RIPOR2: variants seen among roughly 807,000 people sequenced by gnomAD.
RIPOR2 encodes the protein rho family-interacting cell polarization regulator 2.
In RIPOR2, 39 loss-of-function variants were observed where a neutral mutation model predicts 114.5. The ratio of observed to expected loss-of-function variants is 0.34; its 90% CI spans 0.26 to 0.44. The LOEUF is 0.44. Ranked by LOEUF, RIPOR2 falls within the 20% of genes least tolerant of loss-of-function variation. The probability of loss-of-function intolerance (pLI) is 1.00; values close to 1 mark genes in which losing one functional copy is unlikely to be tolerated. For synonymous variants in RIPOR2, 445 were observed against 484.4 expected (o/e 0.92, Z 1.07); for missense variants, 1,007 against 1,255.1 (o/e 0.80, Z 2.99).
At chr6:24,938,808 A>G (rs1483012128), upstream of RIPOR2, among the ~76,000 whole-genome samples, 1 of 152,230 alleles carries the variant, frequency 6.6e-6, no homozygotes, top group Non-Finnish European at 1.5e-5. Context: ...GATAGAAAAC[A>G]TGGTTCTTGC....
At chr6:24,986,912 G>A (rs1287273902) in intron 1 of RIPOR2, among the ~76,000 whole-genome samples, 1 of 119,732 alleles carries the variant, frequency 8.4e-6, no homozygotes, top group African/African-American at 3.2e-5. Context: ...AATGGTAGCT[G>A]ATGAGCTAAA....
intron 1 of RIPOR2, among the ~76,000 whole-genome samples, chr6:25,031,734 T>TAAAAA (rs1561855805): frequency 3.9e-5 from 4 of 101,912 alleles, no homozygotes; most frequent in Non-Finnish European, 5.9e-5. Flanking sequence ...TATATATATA[T>TAAAAA]ATATATATAT....
intron 4 of RIPOR2, among the ~76,000 whole-genome samples, chr6:24,871,255 T>A (rs1234128979): frequency 6.6e-6 from 1 of 152,194 alleles, no homozygotes; most frequent in Non-Finnish European, 1.5e-5. Flanking sequence ...TTAAAAAAAA[T>A]TTAAAATAAA....
At position 24,836,002 on chromosome 6, in the gene RIPOR2, A is replaced by T. The variant is rs1761079710; in HGVS notation, c.2040-131T>A. ...CTTTCACTTGCCTATCTTGAAAAAT[A>T]GAGACACCTTTAAAAAATTACTTAA... On this transcript the variant is annotated intron_variant, in intron 14 of 21. Coordinates refer to ENST00000643898, the MANE Select transcript of RIPOR2 (RefSeq NM_001286445.3). The T allele has an allele frequency of 1.9e-5, 15 of 798,420 alleles. No individual in the cohort carries two copies. In the South Asian group the frequency reaches 2.6e-4, roughly 14 times the overall value. The allele number at this position is 798,420 out of a possible 1,614,324, so 49.5% of individuals were successfully genotyped here.
intron 1 of RIPOR2, among the ~76,000 whole-genome samples, chr6:24,945,634 G>A (rs1056618306): frequency 6.6e-6 from 1 of 152,038 alleles, no homozygotes; most frequent in African/African-American, 2.4e-5. Context: ...GAGTGATAGA[G>A]GATAAAAGTT....
chr6:24,970,397 A>G (rs975139757), intron 1 of RIPOR2, among the ~76,000 whole-genome samples: 2 of 152,234 alleles, frequency 1.3e-5, no homozygotes, highest in African/African-American at 4.8e-5. Context: ...AGGTTGGCAC[A>G]GGGCTGAAAA....
chr6:24,981,940 T>C (rs966097364), intron 1 of RIPOR2, among the ~76,000 whole-genome samples: 2 of 152,230 alleles, frequency 1.3e-5, no homozygotes, highest in Non-Finnish European at 2.9e-5. Context: ...GCTCACCTTG[T>C]CCCTTGGCAC....
At chr6:25,001,701 C>CT (rs775620654) in intron 1 of RIPOR2, among the ~76,000 whole-genome samples, 501 of 102,528 alleles carry the variant, frequency 4.9e-3, no homozygotes, top group East Asian at 0.015. Flanking sequence ...TCCTTTCTTT[C>CT]TTTTTTTTTT....
chr6:24,889,684 C>T (rs1471402094), intron 1 of RIPOR2, among the ~76,000 whole-genome samples: 1 of 151,578 alleles, frequency 6.6e-6, no homozygotes, highest in Non-Finnish European at 1.5e-5. Flanking sequence ...AACGTATGTC[C>T]CTATACATAG....
intron 1 of RIPOR2, among the ~76,000 whole-genome samples, chr6:25,041,237 C>A (rs1442272331): frequency 6.6e-6 from 1 of 152,234 alleles, no homozygotes; most frequent in African/African-American, 2.4e-5. Context: ...TAAAAACAGA[C>A]ACACACAAAT....
exon 1 of RIPOR2, chr6:25,041,982 C>A: frequency 1.5e-6 from 1 of 657,494 alleles, no homozygotes; most frequent in South Asian, 1.6e-5. Flanking sequence ...AAGGGTCTTG[C>A]AGCTATCCTG....
At chr6:24,931,209 A>C (rs1292120239) in intron 1 of RIPOR2, among the ~76,000 whole-genome samples, 3 of 152,250 alleles carry the variant, frequency 2.0e-5, no homozygotes, top group African/African-American at 7.2e-5. Flanking sequence ...TTACCTATTA[A>C]AAGAAAAATA....
rs1248855007 is a variant in RIPOR2 at position 24,858,798 on chromosome 6, TC to T, written c.715+2174del. 3.9e-5 allele frequency among the ~76,000 whole-genome samples: 6 copies of T among 152,210 alleles called. No individual in the cohort carries two copies. Among genetic ancestry groups the T allele is most frequent in the African/African-American group, 1.4e-4 (6 of 41,528 alleles). On this transcript the variant is annotated intron_variant, in intron 8 of 21. Coordinates refer to ENST00000643898, the MANE Select transcript of RIPOR2 (RefSeq NM_001286445.3). The surrounding 1 kb of genome is among the most constrained non-coding windows in gnomAD (Gnocchi z 4.0). ...GCAGGAGCAACAGCAAGTTCATCAG[TC>T]CATCAGGGCTGCGATGTAGCGGGGT...
intron 1 of RIPOR2, among the ~76,000 whole-genome samples, chr6:25,038,281 G>A (rs560202395): frequency 1.3e-5 from 2 of 152,356 alleles, no homozygotes; most frequent in African/African-American, 2.4e-5. Context: ...ATGGCCCCAC[G>A]ATTCTTGCCC....
chr6:24,945,044 G>A (rs1192442477), intron 1 of RIPOR2, among the ~76,000 whole-genome samples: 2 of 151,984 alleles, frequency 1.3e-5, no homozygotes, highest in Non-Finnish European at 2.9e-5. Flanking sequence ...AAAGATATAT[G>A]TTTGAAGTGA....
intron 7 of RIPOR2, among the ~76,000 whole-genome samples, chr6:24,863,510 G>A (rs996030178): frequency 1.3e-5 from 2 of 152,134 alleles, no homozygotes; most frequent in African/African-American, 4.8e-5. Flanking sequence ...ATTGGAAACG[G>A]CTCTCCTCAT....
intron 8 of RIPOR2, among the ~76,000 whole-genome samples, chr6:24,856,509 C>G (rs1484296577): frequency 6.6e-6 from 1 of 152,206 alleles, no homozygotes; most frequent in Non-Finnish European, 1.5e-5. Context: ...AATCCCAGTA[C>G]TTTGGGAGGC....
intron 1 of RIPOR2, among the ~76,000 whole-genome samples, chr6:25,008,359 G>A (rs1775643168): frequency 6.6e-6 from 1 of 152,216 alleles, no homozygotes; most frequent in Admixed American, 6.5e-5. Context: ...GGATCATGCA[G>A]GAGGGCCTGA....
chr6:24,954,215 A>C (rs1378440485), intron 1 of RIPOR2, among the ~76,000 whole-genome samples: 1 of 152,180 alleles, frequency 6.6e-6, no homozygotes, highest in Non-Finnish European at 1.5e-5. Flanking sequence ...GCTGGTTTGC[A>C]TTTAGCAAGT....
Sources: gnomAD v4.1 joint callset for allele counts (sites outside exome capture counted in the v4.1 genomes callset) on GRCh38, gnomAD v4.1.1 for gene constraint, Gnocchi (gnomAD v3.1) non-coding constraint, MANE v1.5 for transcripts, NCBI Gene and HGNC (gene_info 2026-07-23, HGNC 2026-07-21) for gene names.